The following PID1 variants were observed in gnomAD, a reference collection of about 807,000 sequenced individuals.
The protein encoded by PID1 is phosphotyrosine interaction domain containing 1.
A neutral mutation model predicts 19.1 loss-of-function variants in PID1; 10 were observed. That is an observed-to-expected ratio of 0.52 (90% CI 0.32 to 0.89). The LOEUF is 0.89. PID1 is among the 40% of genes least tolerant of loss of function. The pLI, the probability that PID1 is intolerant of heterozygous loss-of-function variation, is 0.03. For missense variants in PID1, 248 were observed against 285.3 expected, an observed-to-expected ratio of 0.87 and a Z score of 0.94; for synonymous variants, 130 against 116.0, an observed-to-expected ratio of 1.12 and a Z score of -0.78.
At chr2:229,034,746 C>CT (rs1693626058) in intron 2 of PID1, among the ~76,000 whole-genome samples, 1 of 151,140 alleles carries the variant, frequency 6.6e-6, no homozygotes, top group African/African-American at 2.5e-5. Flanking sequence ...ACAGTGTCTC[C>CT]TTTATTGTGT....
rs370838686 is a variant in PID1, at chr2:229,247,692, C to A, written c.30+23322G>T. On this transcript the variant is annotated intron_variant, in intron 1 of 2. Coordinates refer to ENST00000392055, the MANE Select transcript of PID1 (RefSeq NM_001100818.2). ...CTTTTGCCGGATACTAGGCTCTGCA[C>A]TGGAGAACAGCCCCTGCCTTTAGGC... Among the ~76,000 whole-genome samples the A allele has an allele frequency of 2.0e-5, 3 of 152,184 alleles. No individual in the cohort carries two copies. The South Asian group carries it at 6.2e-4, about 32-fold the overall frequency.
intron 1 of PID1, among the ~76,000 whole-genome samples, chr2:229,244,606 T>C (rs1236698603): frequency 2.0e-5 from 3 of 152,132 alleles, no homozygotes; most frequent in Admixed American, 2.0e-4. Context: ...CATAAGAAAG[T>C]TAATTATCTT....
At chr2:229,152,797 C>G (rs901486262) in intron 2 of PID1, among the ~76,000 whole-genome samples, 2 of 152,124 alleles carry the variant, frequency 1.3e-5, no homozygotes, top group African/African-American at 4.8e-5. Flanking sequence ...CTGAGATGAG[C>G]TAGGGTCTCA....
chr2:229,257,251 C>T (rs1323775129), intron 1 of PID1, among the ~76,000 whole-genome samples: 1 of 152,190 alleles, frequency 6.6e-6, no homozygotes, highest in East Asian at 1.9e-4. Context: ...TAGTATCCAA[C>T]CACTGCATTC....
intron 1 of PID1, among the ~76,000 whole-genome samples, chr2:229,246,640 G>A (rs1574755477): frequency 6.6e-6 from 1 of 152,140 alleles, no homozygotes; most frequent in Non-Finnish European, 1.5e-5. Context: ...AACATGAGTG[G>A]ATTCCAAAAA....
At chr2:229,041,740 A>G (rs912135570) in intron 2 of PID1, among the ~76,000 whole-genome samples, 20 of 152,234 alleles carry the variant, frequency 1.3e-4, no homozygotes, top group South Asian at 2.1e-4. Flanking sequence ...TACACTGTGA[A>G]GAATTCAACA....
At chr2:229,152,994 G>A (rs1043509676) in intron 2 of PID1, among the ~76,000 whole-genome samples, 7 of 152,208 alleles carry the variant, frequency 4.6e-5, no homozygotes, top group African/African-American at 1.7e-4. Context: ...ATTCCTGGGA[G>A]GCGTGAGCCC....
intron 2 of PID1, among the ~76,000 whole-genome samples, chr2:229,033,626 C>T (rs1436094416): frequency 1.3e-5 from 2 of 151,978 alleles, no homozygotes; most frequent in Non-Finnish European, 2.9e-5. Flanking sequence ...ACGTGTATGC[C>T]TATGTAATAA....
chr2:229,062,430 T>C (rs1352619127), intron 2 of PID1, among the ~76,000 whole-genome samples: 1 of 152,014 alleles, frequency 6.6e-6, no homozygotes, highest in Non-Finnish European at 1.5e-5. Flanking sequence ...AACCCAGGAA[T>C]ACAAGGGATA....
chr2:229,261,154 G>A (rs1287820899), intron 1 of PID1, among the ~76,000 whole-genome samples: 1 of 152,112 alleles, frequency 6.6e-6, no homozygotes, highest in Non-Finnish European at 1.5e-5. Flanking sequence ...CAGCAGCTAG[G>A]AGAAAGCCAG....
intron 1 of PID1, among the ~76,000 whole-genome samples, chr2:229,166,189 A>T (rs2106205424): frequency 6.6e-6 from 1 of 152,352 alleles, no homozygotes; most frequent in South Asian, 2.1e-4. Context: ...TAAAACAATT[A>T]TCCTGAGAAC....
chr2:229,157,586 C>T (rs772613944), intron 1 of PID1, among the ~76,000 whole-genome samples: 3 of 152,106 alleles, frequency 2.0e-5, no homozygotes, highest in Admixed American at 6.6e-5. Context: ...ATTAGTGATG[C>T]CCCATAAAGA....
chr2:229,197,116 A>T (rs1373295183), intron 1 of PID1, among the ~76,000 whole-genome samples: 2 of 152,036 alleles, frequency 1.3e-5, no homozygotes, highest in Non-Finnish European at 2.9e-5. Flanking sequence ...GTCAACAAAA[A>T]ACACATTAGG....
At chr2:229,119,858 C>G (rs1695482479) in intron 2 of PID1, among the ~76,000 whole-genome samples, 1 of 152,142 alleles carries the variant, frequency 6.6e-6, no homozygotes, top group Admixed American at 6.5e-5. Context: ...GGCCTAAAAG[C>G]AAGAAAAATG....
At chr2:229,208,282 A>C (rs377473773) in intron 1 of PID1, among the ~76,000 whole-genome samples, 20 of 152,186 alleles carry the variant, frequency 1.3e-4, no homozygotes, top group African/African-American at 4.6e-4. Context: ...ATCAATCACT[A>C]TGAACAGCCT....
chr2:229,078,084 T>C (rs1694597260), intron 2 of PID1, among the ~76,000 whole-genome samples: 1 of 152,206 alleles, frequency 6.6e-6, no homozygotes, highest in Non-Finnish European at 1.5e-5. Flanking sequence ...CCTTGAGCAG[T>C]GGTTTGTAGT....
At chr2:229,111,129 T>G (rs887166124) in intron 2 of PID1, among the ~76,000 whole-genome samples, 2 of 152,214 alleles carry the variant, frequency 1.3e-5, no homozygotes, top group Non-Finnish European at 2.9e-5. Context: ...ACCATGATTA[T>G]GAGGCCTCCC....
chr2:229,211,168 G>C (rs1171766000), intron 1 of PID1, among the ~76,000 whole-genome samples: 1 of 152,198 alleles, frequency 6.6e-6, no homozygotes, highest in Non-Finnish European at 1.5e-5. Context: ...ACAAATAGGA[G>C]AGGCTGGTTT....
intron 1 of PID1, among the ~76,000 whole-genome samples, chr2:229,219,316 C>A (rs1223856113): frequency 6.6e-6 from 1 of 152,094 alleles, no homozygotes; most frequent in Non-Finnish European, 1.5e-5. Flanking sequence ...ACAATCATGG[C>A]AAAAGGGGCA....
Sources: gnomAD v4.1 joint callset for allele counts (sites outside exome capture counted in the v4.1 genomes callset) on GRCh38, gnomAD v4.1.1 for gene constraint, MANE v1.5 for transcripts, NCBI Gene and HGNC (gene_info 2026-07-23, HGNC 2026-07-21) for gene names.